The following TNFSF4 variants were observed in gnomAD, a reference collection of about 807,000 sequenced individuals.
The protein encoded by TNFSF4 is TNF superfamily member 4, also known as tumor necrosis factor ligand superfamily member 4.
Under a neutral mutation model 7.3 loss-of-function variants are expected in TNFSF4, and 4 were observed. The ratio of observed to expected loss-of-function variants is 0.55; its 90% confidence interval spans 0.27 to 1.25. TNFSF4 has a LOEUF of 1.25. TNFSF4 is among the 50% of genes most tolerant of loss of function. TNFSF4 has a pLI of 0.12. For missense variants in TNFSF4, 181 were observed against 208.8 expected (o/e 0.87, Z 0.82); for synonymous variants, 76 against 83.7 (o/e 0.91, Z 0.50).
At chr1:173,316,596 A>G in the TNFSF4 span, among the ~76,000 whole-genome samples, 2 of 152,140 alleles carry the variant, frequency 1.3e-5, no homozygotes, top group Non-Finnish European at 1.5e-5. Context: ...TGTGGTATGC[A>G]TCAATGTTTC....
intron 1 of TNFSF4, among the ~76,000 whole-genome samples, chr1:173,201,531 G>A (rs1051518303): frequency 6.6e-6 from 1 of 152,168 alleles, no homozygotes; most frequent in African/African-American, 2.4e-5. Flanking sequence ...TTACAAAGCT[G>A]TGTATCAATT....
At chr1:173,203,946 T>C (rs780168406) in intron 1 of TNFSF4, among the ~76,000 whole-genome samples, 7 of 152,176 alleles carry the variant, frequency 4.6e-5, no homozygotes, top group Non-Finnish European at 7.4e-5. Context: ...CAGTGTGTAT[T>C]GGTTTTGGTG....
chr1:173,326,583 G>A, the TNFSF4 span, among the ~76,000 whole-genome samples: 1 of 152,158 alleles, frequency 6.6e-6, no homozygotes, highest in Admixed American at 6.5e-5. Context: ...AATTGTCCCT[G>A]TTTGCAGACG....
chr1:173,183,745 A>ATCT lies in TNFSF4; in HGVS notation c.*2768_*2770dup, dbSNP rs1159388867. 2 of 152,196 alleles carry ATCT rather than the reference A, an allele frequency of 1.3e-5. No homozygotes were observed. The highest frequency in any genetic ancestry group is 2.9e-5 in the Non-Finnish European group (2 of 68,034). The allele number at this position is 152,196 out of a possible 1,614,324, so 9.4% of individuals were successfully genotyped here. On this transcript the variant is annotated 3_prime_UTR_variant, in exon 3 of 3. Transcript: ENST00000281834. ...ACTCTCACCAGTAGTGAATTCTGAGATCTTTTATTTGTTTCCATGTAAATA... is the reference window on the plus strand; with the variant it reads ...ACTCTCACCAGTAGTGAATTCTGAGATCTTCTTTTATTTGTTTCCATGTAAATA...
downstream of TNFSF4, among the ~76,000 whole-genome samples, chr1:173,182,685 A>T (rs1461293628): frequency 6.6e-6 from 1 of 152,224 alleles, no homozygotes; most frequent in Non-Finnish European, 1.5e-5. Context: ...TGATTACAAC[A>T]AATGAGGCAC....
the TNFSF4 span, among the ~76,000 whole-genome samples, chr1:173,248,105 C>A: frequency 2.6e-5 from 4 of 152,088 alleles, no homozygotes; most frequent in Admixed American, 2.6e-4. Context: ...CCTGTAATCC[C>A]AGCACTTTGG....
At chr1:173,236,348 T>C in the TNFSF4 span, among the ~76,000 whole-genome samples, 4 of 151,852 alleles carry the variant, frequency 2.6e-5, no homozygotes, top group Non-Finnish European at 4.4e-5. Context: ...TATTTGTAAG[T>C]TAAGTGCCTA....
the TNFSF4 span, among the ~76,000 whole-genome samples, chr1:173,270,438 G>A: frequency 1.3e-5 from 2 of 152,054 alleles, no homozygotes; most frequent in African/African-American, 4.8e-5. Flanking sequence ...AGAAGGTTGA[G>A]GAGGAAGCAG....
intron 1 of TNFSF4, among the ~76,000 whole-genome samples, chr1:173,195,834 C>T (rs576177483): frequency 9.2e-4 from 140 of 152,206 alleles, no homozygotes; most frequent in African/African-American, 3.1e-3. Flanking sequence ...AGCAGTGGGA[C>T]GTGGGCTAGT....
the TNFSF4 span, among the ~76,000 whole-genome samples, chr1:173,329,299 G>A: frequency 6.6e-6 from 1 of 152,014 alleles, no homozygotes; most frequent in Non-Finnish European, 1.5e-5. Flanking sequence ...TTTAAATCAT[G>A]TCTAGATTAC....
the TNFSF4 span, among the ~76,000 whole-genome samples, chr1:173,379,265 A>G: frequency 6.6e-6 from 1 of 152,032 alleles, no homozygotes; most frequent in Non-Finnish European, 1.5e-5. Flanking sequence ...TGGGACCTCA[A>G]CTCAAATCAT....
the TNFSF4 span, among the ~76,000 whole-genome samples, chr1:173,446,221 C>T: frequency 6.7e-6 from 1 of 149,976 alleles, no homozygotes; most frequent in Non-Finnish European, 1.5e-5. Flanking sequence ...CACTCTTGAA[C>T]AAAGGGAAAA....
chr1:173,282,905 G>A, the TNFSF4 span, among the ~76,000 whole-genome samples: 110 of 152,230 alleles, frequency 7.2e-4, 1 homozygote, highest in African/African-American at 2.5e-3. Context: ...GACCAACCTG[G>A]CAGGCATTTC....
the TNFSF4 span, among the ~76,000 whole-genome samples, chr1:173,228,575 C>T: frequency 3.4e-4 from 51 of 152,082 alleles, 1 homozygote; most frequent in Non-Finnish European, 5.3e-4. Flanking sequence ...CAAAGCTGGA[C>T]GGAGAATGAC....
chr1:173,306,233 T>C, the TNFSF4 span, among the ~76,000 whole-genome samples: 10 of 152,028 alleles, frequency 6.6e-5, no homozygotes, highest in East Asian at 1.9e-3. Context: ...TTTCTAAGTA[T>C]TAGAAATTCT....
the TNFSF4 span, among the ~76,000 whole-genome samples, chr1:173,384,763 G>A: frequency 1.3e-5 from 2 of 152,006 alleles, no homozygotes; most frequent in Admixed American, 1.3e-4. Flanking sequence ...TACACTATAA[G>A]GGCTGCACAT....
the TNFSF4 span, among the ~76,000 whole-genome samples, chr1:173,436,329 C>T: frequency 3.3e-5 from 5 of 152,228 alleles, no homozygotes; most frequent in Admixed American, 2.0e-4. Context: ...GGAAATAATA[C>T]AAAATGCCCC....
the TNFSF4 span, among the ~76,000 whole-genome samples, chr1:173,299,176 T>C: frequency 6.6e-6 from 1 of 151,936 alleles, no homozygotes; most frequent in Non-Finnish European, 1.5e-5. Context: ...TAAATCCTGA[T>C]GTCTAATCTG....
intron 1 of TNFSF4, among the ~76,000 whole-genome samples, chr1:173,190,320 G>A (rs1649421948): frequency 6.6e-6 from 1 of 152,186 alleles, no homozygotes. Flanking sequence ...CCTGGGTAGG[G>A]GAATTCCTGT....
Sources: allele counts gnomAD v4.1 joint callset (sites outside exome capture counted in the v4.1 genomes callset), GRCh38; gene constraint gnomAD v4.1.1; transcripts MANE v1.5; gene names NCBI Gene and HGNC (gene_info 2026-07-23, HGNC 2026-07-21).